Variants in ZNF750 observed in about 807,000 individuals in gnomAD.
ZNF750 encodes the protein zinc finger protein 750.
A neutral mutation model predicts 31.6 loss-of-function variants in ZNF750; 10 were observed. The ratio of observed to expected loss-of-function variants is 0.32; its 90% confidence interval spans 0.19 to 0.54. The LOEUF (loss-of-function observed/expected upper bound fraction) is 0.54, where lower values mean the gene tolerates loss of function less well. ZNF750 is among the 20% of genes least tolerant of loss of function. ZNF750 has a pLI of 0.95. For synonymous variants in ZNF750, 400 were observed against 404.9 expected, an observed-to-expected ratio of 0.99 and a Z score of 0.15; for missense variants, 914 against 934.9, an observed-to-expected ratio of 0.98 and a Z score of 0.29.
Position 82,830,083 on chromosome 17 carries a change from G to A in ZNF750, c.*59C>T, listed in dbSNP as rs1465904158. 1.1e-5 allele frequency: 18 copies of A among 1,608,124 alleles called. No individual in the cohort carries two copies. The East Asian group carries it at 3.6e-4, about 32-fold the overall frequency. ...TGCCAGTTCAGAGGTGTTGTAGCTT[G>A]CCACCTTGGAAGGCGTGTGTGTGGC... is the stretch of plus-strand genomic sequence containing the variant. On this transcript the variant is annotated 3_prime_UTR_variant, in exon 3 of 3. Transcript: ENST00000269394.
Position 82,831,890 on chromosome 17 carries a change from C to G in ZNF750, c.565G>C (p.Ala189Pro), listed in dbSNP as rs755442581. Residue 189 changes from alanine (A) to proline (P), a missense_variant, in exon 2 of 3, where the codon GCC becomes CCC. Ala to Pro is a conservative substitution (Grantham distance 27). Transcript: ENST00000269394. The surrounding 1 kb of genome is among the most constrained non-coding windows in gnomAD (Gnocchi z 4.6). ...PETLALHNPTAKAVSFHTKSA... is the reference protein window; with the variant it reads ...PETLALHNPTPKAVSFHTKSA... The stretch of plus-strand genomic sequence containing the variant: ...TTGGTGTGGAAAGACACGGCCTTGG[C>G]AGTGGGGTTGTGTAAAGCCAGTGTC... 6.2e-7 allele frequency: 1 copy of G among 1,614,130 alleles called. No homozygotes were observed. Among genetic ancestry groups the G allele is most frequent in the Non-Finnish European group, 8.5e-7 (1 of 1,180,020 alleles).
Position 82,831,646 on chromosome 17 carries a change from G to A in ZNF750, c.809C>T (p.Ala270Val). The A allele has an allele frequency of 6.2e-7, 1 of 1,614,192 alleles. No homozygotes were observed. The highest frequency in any genetic ancestry group is 8.5e-7 in the Non-Finnish European group (1 of 1,180,026). ...LLAGSSPECD[A>V]PLLSVYGTQD... Reference sequence around the variant, plus strand: ...GGTTCCGTAGACTGACAGCAGGGGTGCGTCACACTCAGGCGAGCTCCCAGC... The same window carrying A: ...GGTTCCGTAGACTGACAGCAGGGGTACGTCACACTCAGGCGAGCTCCCAGC... The change falls in exon 2 of 3, where the codon GCA becomes GTA. Residue 270 changes from alanine to valine, a missense_variant. Physicochemically the swap from Ala to Val is moderately conservative, Grantham distance 64. Transcript: ENST00000269394. This position sits in a 1 kb window ranked among gnomAD's most constrained non-coding sequence, Gnocchi z 4.6.
intron 1 of ZNF750, among the ~76,000 whole-genome samples, chr17:82,836,441 G>A (rs554014853): frequency 1.2e-4 from 19 of 152,350 alleles, no homozygotes; most frequent in African/African-American, 4.3e-4. Flanking sequence ...TGAGAGCTGC[G>A]TCCTCGCGAG....
In ZNF750 at chr17:82,830,282, C is replaced by T. The variant is rs2053361259; in HGVS notation, c.2032G>A (p.Ala678Thr). Reference protein sequence around the residue: ...PTLSSMESQEAQCDLRPKGQK... With the variant: ...PTLSSMESQETQCDLRPKGQK... Reference sequence around the variant, plus strand: ...CCTTTGGGTCTGAGGTCACACTGGGCCTCTTGGCTCTCCATGGAGCTCAGT... The same window carrying T: ...CCTTTGGGTCTGAGGTCACACTGGGTCTCTTGGCTCTCCATGGAGCTCAGT... The change falls in exon 3 of 3, where the codon GCC becomes ACC. Residue 678 changes from alanine (A) to threonine (T), a missense_variant. Coordinates refer to ENST00000269394, the MANE Select transcript of ZNF750 (RefSeq NM_024702.3). 2 of 1,614,254 alleles carry T rather than the reference C, an allele frequency of 1.2e-6. No individual in the cohort carries two copies. The highest frequency in any genetic ancestry group is 1.7e-6 in the Non-Finnish European group (2 of 1,180,050).
At chr17:82,838,319 C>T (rs759556464) in intron 1 of ZNF750, among the ~76,000 whole-genome samples, 13 of 144,282 alleles carry the variant, frequency 9.0e-5, no homozygotes, top group Non-Finnish European at 1.4e-4. Flanking sequence ...GAAAAATAGA[C>T]AAGAGAAAGA....
Position 82,831,010 on chromosome 17 carries a change from T to TTTTC in ZNF750, c.1436+5_1436+8dup, listed in dbSNP as rs1283739889. The TTTTC allele has an allele frequency of 3.1e-6, 5 of 1,614,032 alleles. No individual in the cohort carries two copies. The South Asian group carries it at 5.5e-5, about 18-fold the overall frequency. On this transcript the variant is annotated intron_variant, in intron 2 of 2. Coordinates refer to ENST00000269394, the MANE Select transcript of ZNF750 (RefSeq NM_024702.3). The surrounding 1 kb of genome is among the most constrained non-coding windows in gnomAD (Gnocchi z 4.6). The stretch of plus-strand genomic sequence containing the variant: ...TCCCTTGGAGGTTTTGAAAATGACA[T>TTTTC]TTTCTTACCTTACTGGAGACTCTGC...
rs987259533 is a variant in ZNF750 at position 82,835,421 on chromosome 17, C to G, written c.-182-2785G>C. Among the ~76,000 whole-genome samples, 1 of 121,416 alleles carries G rather than the reference C, an allele frequency of 8.2e-6. No homozygotes were observed. Among genetic ancestry groups the G allele is most frequent in the African/African-American group, 2.6e-5 (1 of 39,200 alleles). The allele number at this position is 121,416 out of a possible 152,430, so 79.7% of individuals were successfully genotyped here. On this transcript the variant is annotated intron_variant, in intron 1 of 2. Coordinates refer to ENST00000269394, the MANE Select transcript of ZNF750 (RefSeq NM_024702.3). This position sits in a 1 kb window ranked among gnomAD's most constrained non-coding sequence, Gnocchi z 4.5. ...TTTCTCTACTGATTTATTCATATTTCTTTCTTTCTTTCTTTTTTGAGACGG... is the reference window on the plus strand; with the variant it reads ...TTTCTCTACTGATTTATTCATATTTGTTTCTTTCTTTCTTTTTTGAGACGG...
Position 82,830,378 on chromosome 17 carries a change from G to C in ZNF750, c.1936C>G (p.Pro646Ala), listed in dbSNP as rs546792003. 70 of 1,612,850 alleles carry C rather than the reference G, an allele frequency of 4.3e-5. 1 individual carries two copies. In the South Asian group the frequency reaches 5.1e-4, roughly 12 times the overall value. ...CCATCGCCCACCCGGATGTTCCTGG[G>C]GCTGTAGGCCGCCAGCTGGCACAGG... ...VALCQLAAYS[P>A]RNIRVGDGDA... The change falls in exon 3 of 3, where the codon CCC becomes GCC. Residue 646 changes from proline to alanine, a missense_variant. Transcript: ENST00000269394.
chr17:82,830,116 C>T lies in ZNF750; in HGVS notation c.*26G>A. 1.9e-6 allele frequency: 3 copies of T among 1,612,794 alleles called. No individual in the cohort carries two copies. ...GGAAGGCGTGTGTGTGGCCGTAGCT[C>T]TGTGAACACACGTGTGAACCCGGCG... is the stretch of plus-strand genomic sequence containing the variant. On this transcript the variant is annotated 3_prime_UTR_variant, in exon 3 of 3. Coordinates refer to ENST00000269394, the MANE Select transcript of ZNF750 (RefSeq NM_024702.3).
intron 1 of ZNF750, among the ~76,000 whole-genome samples, 174 bp downstream of exon 1, chr17:82,839,753 T>C (rs2054306219): frequency 6.6e-6 from 1 of 152,226 alleles, no homozygotes; most frequent in Admixed American, 6.5e-5. Context: ...AGAAGTTTTG[T>C]AATCGTGGTC....
At chr17:82,830,986 C>G in intron 2 of ZNF750, 33 bp downstream of exon 2, 3 of 1,613,702 alleles carry the variant, frequency 1.9e-6, no homozygotes, top group South Asian at 1.1e-5. Flanking sequence ...CAGAAACATT[C>G]CCTTGGAGGT....
Position 82,831,855 on chromosome 17 carries a change from G to A in ZNF750, c.600C>T (p.Phe200=). 6.2e-7 allele frequency: 1 copy of A among 1,614,228 alleles called. No individual in the cohort carries two copies. The highest frequency in any genetic ancestry group is 8.5e-7 in the Non-Finnish European group (1 of 1,180,036). The change falls in exon 2 of 3, where the codon TTC becomes TTT. Residue 200 remains phenylalanine, a synonymous_variant. Coordinates refer to ENST00000269394, the MANE Select transcript of ZNF750 (RefSeq NM_024702.3). This position sits in a 1 kb window ranked among gnomAD's most constrained non-coding sequence, Gnocchi z 4.6. ...CTTTCCAGGGGTAGCCAGGAGTGTGGAAGGCCGACTTGGTGTGGAAAGACA... is the reference window on the plus strand; with the variant it reads ...CTTTCCAGGGGTAGCCAGGAGTGTGAAAGGCCGACTTGGTGTGGAAAGACA... ...KAVSFHTKSA[F]HTPGYPWKAG...
At chr17:82,839,000 T>A (rs1416656918) in intron 1 of ZNF750, 1 of 983,656 alleles carries the variant, frequency 1.0e-6, no homozygotes, top group Non-Finnish European at 1.2e-6. Flanking sequence ...TATGAGAAAT[T>A]TCATATAAGG....
rs757761521 is a variant in ZNF750, at chr17:82,830,339, G to A, written c.1975C>T (p.Pro659Ser). ...IRVGDGDAAAPEPACRQDTPT... is the reference protein window; with the variant it reads ...IRVGDGDAAASEPACRQDTPT... ...GTGTCTTGCCGGCAGGCAGGTTCCG[G>A]GGCCGCAGCATCCCCATCGCCCACC... The change falls in exon 3 of 3, where the codon CCG (proline) becomes TCG (serine). Residue 659 changes from proline (P) to serine (S), a missense_variant. Pro to Ser is a moderately conservative substitution (Grantham distance 74, BLOSUM62 -1). Coordinates refer to ENST00000269394, the MANE Select transcript of ZNF750 (RefSeq NM_024702.3). 3.1e-6 allele frequency: 5 copies of A among 1,613,872 alleles called. No individual in the cohort carries two copies. The Admixed American group carries it at 6.7e-5, about 22-fold the overall frequency.
rs928495537 is a variant in ZNF750 at position 82,830,717 on chromosome 17, G to C, written c.1597C>G (p.Gln533Glu). Residue 533 changes from glutamine (Q) to glutamate (E), a missense_variant, in exon 3 of 3, where the codon CAA (glutamine) becomes GAA (glutamate). By Grantham distance (29) the Gln-to-Glu change is conservative. Coordinates refer to ENST00000269394, the MANE Select transcript of ZNF750 (RefSeq NM_024702.3). Reference protein sequence around the residue: ...NLAATHEPTYQGSPQAETASF... With the variant: ...NLAATHEPTYEGSPQAETASF... The stretch of plus-strand genomic sequence containing the variant: ...GCGGTTTCCGCCTGGGGGCTGCCTT[G>C]GTACGTGGGTTCGTGGGTGGCTGCC... 11 of 1,614,026 alleles carry C rather than the reference G, an allele frequency of 6.8e-6. No individual in the cohort carries two copies. The Admixed American group carries it at 1.3e-4, about 20-fold the overall frequency.
intron 1 of ZNF750, among the ~76,000 whole-genome samples, chr17:82,838,177 G>A (rs1439116280): frequency 6.6e-6 from 1 of 152,168 alleles, no homozygotes; most frequent in African/African-American, 2.4e-5. Flanking sequence ...TTGGCCATGG[G>A]GTTGTGTCTA....
At position 82,833,855 on chromosome 17, in the gene ZNF750, T is replaced by C. The variant is rs2053724935; in HGVS notation, c.-182-1219A>G. Among the ~76,000 whole-genome samples the C allele has an allele frequency of 2.6e-5, 4 of 152,314 alleles. No individual in the cohort carries two copies. Among genetic ancestry groups the C allele is most frequent in the Middle Eastern group, 3.4e-3 (1 of 292 alleles). On this transcript the variant is annotated intron_variant, in intron 1 of 2. Coordinates refer to ENST00000269394, the MANE Select transcript of ZNF750 (RefSeq NM_024702.3). The surrounding 1 kb of genome is among the most constrained non-coding windows in gnomAD (Gnocchi z 4.7). ...GTGATGTCAGAGCTGGCCTGCTCTTTTGGATTCTTCCAGAGGGTCTCTGTG... is the reference window on the plus strand; with the variant it reads ...GTGATGTCAGAGCTGGCCTGCTCTTCTGGATTCTTCCAGAGGGTCTCTGTG...
intron 1 of ZNF750, among the ~76,000 whole-genome samples, chr17:82,838,271 T>C (rs1206886556): frequency 6.6e-6 from 1 of 152,120 alleles, no homozygotes; most frequent in Non-Finnish European, 1.5e-5. Flanking sequence ...TAGTGAGAAG[T>C]TGGGATGCTT....
Position 82,829,537 on chromosome 17 carries a change from A to G in ZNF750, c.*605T>C, listed in dbSNP as rs1460808451. The G allele has an allele frequency of 6.5e-6, 1 of 153,472 alleles. No individual in the cohort carries two copies. Among genetic ancestry groups the G allele is most frequent in the Non-Finnish European group, 1.5e-5 (1 of 68,896 alleles). The allele number at this position is 153,472 out of a possible 1,614,324, so 9.5% of individuals were successfully genotyped here. A position where few individuals can be genotyped will look rare whatever the true frequency, so the allele number is the denominator to read the frequency against. ...ACATACACATCATTTTGGGGAATGG[A>G]AAGTGAGGCAGAGTAAGCCAGAACA... On this transcript the variant is annotated 3_prime_UTR_variant, in exon 3 of 3. Transcript: ENST00000269394.
Sources: allele counts gnomAD v4.1 joint callset (sites outside exome capture counted in the v4.1 genomes callset), GRCh38; gene constraint gnomAD v4.1.1; non-coding constraint Gnocchi (gnomAD v3.1); transcripts MANE v1.5; gene names NCBI Gene and HGNC (gene_info 2026-07-23, HGNC 2026-07-21).